TSPEAR: variants seen among roughly 807,000 people sequenced by gnomAD.
The protein encoded by TSPEAR is thrombospondin-type laminin G domain and EAR repeat-containing protein.
TSPEAR carries 69 observed loss-of-function variants against 71.6 expected under a neutral mutation model. That is an observed-to-expected ratio of 0.96 (90% CI 0.79 to 1.18). TSPEAR has a LOEUF of 1.18. Ranked by LOEUF, TSPEAR falls within the 50% of genes most tolerant of loss-of-function variation. The pLI is 0.00. For missense variants in TSPEAR, 971 were observed against 894.9 expected, an observed-to-expected ratio of 1.09 and a Z score of -1.09; for synonymous variants, 402 against 387.2, an observed-to-expected ratio of 1.04 and a Z score of -0.45.
intron 1 of TSPEAR, among the ~76,000 whole-genome samples, chr21:44,592,901 A>C (rs1555927124): frequency 6.6e-6 from 1 of 152,092 alleles, no homozygotes; most frequent in Admixed American, 6.5e-5. Context: ...ATCACCGGAC[A>C]CAGGACTGTG....
At chr21:44,684,859 A>G (rs1986784543) in intron 1 of TSPEAR, among the ~76,000 whole-genome samples, 1 of 152,188 alleles carries the variant, frequency 6.6e-6, no homozygotes, top group South Asian at 2.1e-4. Context: ...TTTAAAATGG[A>G]TTACTTGGTG....
rs2053300690 is a variant in TSPEAR, at chr21:44,546,168, A to C, written c.304-12245T>G. 6.6e-6 allele frequency among the ~76,000 whole-genome samples: 1 copy of C among 152,238 alleles called. No homozygotes were observed. The highest frequency in any genetic ancestry group is 2.1e-4 in the South Asian group (1 of 4,832). On this transcript the variant is annotated intron_variant, in intron 2 of 11. Transcript: ENST00000323084. The surrounding 1 kb of genome is among the most constrained non-coding windows in gnomAD (Gnocchi z 4.4). The stretch of plus-strand genomic sequence containing the variant: ...AATTTGTACACCAACAAATTAGATA[A>C]CTAATATGTAATGGAAGAATTCTTA...
intron 1 of TSPEAR, among the ~76,000 whole-genome samples, chr21:44,622,182 A>G (rs1440006923): frequency 2.0e-5 from 3 of 152,256 alleles, no homozygotes; most frequent in Admixed American, 1.3e-4. Context: ...CTCTCTCTGT[A>G]TAGCTGTGTT....
intron 1 of TSPEAR, among the ~76,000 whole-genome samples, chr21:44,594,737 C>T (rs1257268355): frequency 2.0e-5 from 3 of 152,182 alleles, no homozygotes; most frequent in South Asian, 2.1e-4. Context: ...CTGTGCTTCC[C>T]GGCCTGCAGG....
intron 1 of TSPEAR, chr21:44,697,156 C>T (rs781890803): frequency 6.3e-7 from 1 of 1,595,282 alleles, no homozygotes; most frequent in South Asian, 1.2e-5. Context: ...CTCACTGTCT[C>T]CCTCTCAGCT....
chr21:44,507,342 T>G (rs1239752823), intron 10 of TSPEAR, among the ~76,000 whole-genome samples: 3 of 152,142 alleles, frequency 2.0e-5, no homozygotes, highest in East Asian at 1.9e-4. Flanking sequence ...TTGAAGGCAG[T>G]CAGAGCCAAG....
At chr21:44,693,886 T>C (rs1555950080) in intron 1 of TSPEAR, among the ~76,000 whole-genome samples, 1 of 152,216 alleles carries the variant, frequency 6.6e-6, no homozygotes, top group Non-Finnish European at 1.5e-5. Flanking sequence ...TATGTCAACA[T>C]TCTTTGCAGC....
At chr21:44,648,964 C>T (rs1984606373) in intron 1 of TSPEAR, among the ~76,000 whole-genome samples, 1 of 152,230 alleles carries the variant, frequency 6.6e-6, no homozygotes, top group Non-Finnish European at 1.5e-5. Context: ...GCTCACAGCA[C>T]AGCGACAGCT....
intron 1 of TSPEAR, chr21:44,574,443 T>C: frequency 1.2e-6 from 2 of 1,602,668 alleles, no homozygotes; most frequent in Non-Finnish European, 1.7e-6. Flanking sequence ...GCAGGCCTGC[T>C]GCGTGCCCGT....
At chr21:44,534,179 CGGGGCTGGTGTGTG>C in intron 2 of TSPEAR, among the ~76,000 whole-genome samples, 1 of 39,670 alleles carries the variant, frequency 2.5e-5, no homozygotes, top group Non-Finnish European at 4.5e-5. Context: ...TGTGAGGGGG[CGGGGCTGGTGTGTG>C]AGGGGTGGGG....
chr21:44,561,579 C>A (rs1555921035), intron 2 of TSPEAR, among the ~76,000 whole-genome samples: 1 of 152,194 alleles, frequency 6.6e-6, no homozygotes, highest in Non-Finnish European at 1.5e-5. Flanking sequence ...TAAAAATCCT[C>A]AATAAAATAC....
In TSPEAR at chr21:44,711,457, T is replaced by C. The variant is rs1390712400; in HGVS notation, c.58A>G (p.Thr20Ala). Residue 20 changes from threonine (T) to alanine (A), a missense_variant, in exon 1 of 12, where the codon ACG becomes GCG. By Grantham distance (58) the Thr-to-Ala change is moderately conservative. Coordinates refer to ENST00000323084, the MANE Select transcript of TSPEAR (RefSeq NM_144991.3). The surrounding 1 kb of genome is among the most constrained non-coding windows in gnomAD (Gnocchi z 4.5). ...CCTGTGCAGGGCTCCCAACCCTGCG[T>C]GCCGTGGCCGGGGGCCGCCAGGGGC... ...VLPLAAPGHGTQGWEPCTDLR... is the reference protein window; with the variant it reads ...VLPLAAPGHGAQGWEPCTDLR... The C allele has an allele frequency of 6.2e-7, 1 of 1,610,482 alleles. No homozygotes were observed. The highest frequency in any genetic ancestry group is 8.5e-7 in the Non-Finnish European group (1 of 1,178,842).
intron 1 of TSPEAR, among the ~76,000 whole-genome samples, chr21:44,597,190 A>C (rs1301232062): frequency 6.6e-6 from 1 of 151,920 alleles, no homozygotes; most frequent in Non-Finnish European, 1.5e-5. Context: ...TTTTATTTTA[A>C]TTTTTTAATT....
At position 44,705,196 on chromosome 21, in the gene TSPEAR, C is replaced by T. The variant is rs548398317; in HGVS notation, c.82+6237G>A. 1.3e-4 allele frequency among the ~76,000 whole-genome samples: 20 copies of T among 152,378 alleles called. No individual in the cohort carries two copies. In the South Asian group the frequency reaches 3.9e-3, roughly 30 times the overall value. The stretch of plus-strand genomic sequence containing the variant: ...ATAAATTGTAAAGATTTCATAGACA[C>T]TTATCACTTCCCCAGTCAATACCCT... On this transcript the variant is annotated intron_variant, in intron 1 of 11. Coordinates refer to ENST00000323084, the MANE Select transcript of TSPEAR (RefSeq NM_144991.3).
At chr21:44,585,673 T>A (rs1979290106) in intron 1 of TSPEAR, among the ~76,000 whole-genome samples, 1 of 152,200 alleles carries the variant, frequency 6.6e-6, no homozygotes, top group African/African-American at 2.4e-5. Context: ...GAATTCCATA[T>A]GTTTGGAGTG....
intron 1 of TSPEAR, among the ~76,000 whole-genome samples, chr21:44,673,090 T>C (rs1190455158): frequency 1.3e-5 from 2 of 152,158 alleles, no homozygotes; most frequent in Non-Finnish European, 2.9e-5. Flanking sequence ...ATCTTTTCCA[T>C]GGCACATTAT....
intron 1 of TSPEAR, chr21:44,677,467 G>C: frequency 1.2e-6 from 1 of 840,980 alleles, no homozygotes; most frequent in South Asian, 1.4e-5. Flanking sequence ...CTCTTGGCTA[G>C]AGACTCAGTT....
Position 44,558,602 on chromosome 21 carries a change from GGC to G in TSPEAR, c.303+9181_303+9182del, listed in dbSNP as rs782698234. The G allele has an allele frequency of 6.0e-5, 97 of 1,611,808 alleles. 1 individual carries two copies. Among genetic ancestry groups the G allele is most frequent in the South Asian group, 2.2e-4 (20 of 90,902 alleles). ...AGACCAGGGTCAGGCAGGGGGCCGGGGCGCAGCAGCTGGTGGCGCAGCAGGGG... is the reference window on the plus strand; with the variant it reads ...AGACCAGGGTCAGGCAGGGGGCCGGGGCAGCAGCTGGTGGCGCAGCAGGGG... On this transcript the variant is annotated intron_variant, in intron 2 of 11. Transcript: ENST00000323084.
chr21:44,597,432 C>CTTTTTTTTTTTT (rs370569621), intron 1 of TSPEAR, among the ~76,000 whole-genome samples: 1 of 130,620 alleles, frequency 7.7e-6, no homozygotes, highest in African/African-American at 3.3e-5. Context: ...TTCTTTCTTT[C>CTTTTTTTTTTTT]TTTTCTTTTT....
Sources: allele counts gnomAD v4.1 joint callset (sites outside exome capture counted in the v4.1 genomes callset), GRCh38; gene constraint gnomAD v4.1.1; non-coding constraint Gnocchi (gnomAD v3.1); transcripts MANE v1.5; gene names NCBI Gene and HGNC (gene_info 2026-07-23, HGNC 2026-07-21).